The following INPP4A variants were observed in gnomAD, a reference collection of about 807,000 sequenced individuals.
The protein encoded by INPP4A is inositol polyphosphate-4-phosphatase type I A, also known as inositol polyphosphate-4-phosphatase, type I, 107kD.
A neutral mutation model predicts 119.8 loss-of-function variants in INPP4A; 33 were observed. The ratio of observed to expected loss-of-function variants is 0.28; its 90% CI spans 0.21 to 0.37. The LOEUF is 0.37. Among genes scored for constraint, INPP4A ranks in the 10% least tolerant of loss-of-function variants. The pLI is 1.00. For missense variants in INPP4A, 956 were observed against 1,289.9 expected, an observed-to-expected ratio of 0.74 and a Z score of 3.97; for synonymous variants, 496 against 500.7, an observed-to-expected ratio of 0.99 and a Z score of 0.12.
chr2:98,458,360 T>C (rs1191222189), intron 1 of INPP4A, among the ~76,000 whole-genome samples: 1 of 151,792 alleles, frequency 6.6e-6, no homozygotes, highest in Non-Finnish European at 1.5e-5. Flanking sequence ...AAAAAAATCA[T>C]CAAATAGCCC....
chr2:98,506,425 C>T (rs764685389), intron 1 of INPP4A, among the ~76,000 whole-genome samples: 19 of 152,204 alleles, frequency 1.2e-4, no homozygotes, highest in Admixed American at 2.6e-4. Flanking sequence ...CCCAGCCCAG[C>T]GGTGTGGTGT....
intron 1 of INPP4A, among the ~76,000 whole-genome samples, chr2:98,457,433 T>G (rs1231690203): frequency 2.0e-5 from 3 of 152,224 alleles, no homozygotes; most frequent in African/African-American, 7.2e-5. Context: ...GAGCTATGAC[T>G]AAATTCCAGG....
At chr2:98,565,891 CT>C in intron 20 of INPP4A, 125 bp downstream of exon 20, 1 of 1,506,034 alleles carries the variant, frequency 6.6e-7, no homozygotes, top group South Asian at 1.2e-5. Flanking sequence ...TTACAGCCCC[CT>C]AGGTTAGTGC....
chr2:98,569,223 C>G lies in INPP4A; in HGVS notation c.2518+555C>G, dbSNP rs1258001548. 6.5e-6 allele frequency: 1 copy of G among 154,788 alleles called. No homozygotes were observed. Among genetic ancestry groups the G allele is most frequent in the African/African-American group, 2.4e-5 (1 of 41,492 alleles). 9.6% of individuals were successfully genotyped at this position (154,788 alleles called of 1,614,324 possible). A position where few individuals can be genotyped will look rare whatever the true frequency, so the allele number is the denominator to read the frequency against. On this transcript the variant is annotated intron_variant, in intron 22 of 24. Transcript: ENST00000409851. This position sits in a 1 kb window ranked among gnomAD's most constrained non-coding sequence, Gnocchi z 5.1. ...GGGAGGAACCGAGAGCTGCACAGCACTGTCTACGAGAATTCCCTCTTGAGT... is the reference window on the plus strand; with the variant it reads ...GGGAGGAACCGAGAGCTGCACAGCAGTGTCTACGAGAATTCCCTCTTGAGT...
intron 21 of INPP4A, among the ~76,000 whole-genome samples, chr2:98,567,215 C>T (rs1426753957): frequency 6.6e-6 from 1 of 152,122 alleles, no homozygotes; most frequent in African/African-American, 2.4e-5. Flanking sequence ...GGATCAGGGC[C>T]AGGGGAGTGT....
rs1369347357 is a variant in INPP4A at position 98,564,753 on chromosome 2, G to A, written c.2142G>A (p.Leu714=). 4.4e-6 allele frequency: 7 copies of A among 1,592,254 alleles called. No homozygotes were observed. Among genetic ancestry groups the A allele is most frequent in the Non-Finnish European group, 6.0e-6 (7 of 1,169,354 alleles). Residue 714 remains leucine (L), a synonymous_variant, in exon 19 of 25, where the codon CTG becomes CTA. Coordinates refer to ENST00000409851, the MANE Select transcript of INPP4A (RefSeq NM_001134225.2). ...TGCTGGCCCAGTTCGAGAGCCTGCT[G>A]AGCACCTACGGTGAGGCGCCCGGGC... ...IGLLAQFESL[L]STYGEELAML...
chr2:98,522,980 CT>C (rs1236678255), intron 4 of INPP4A, among the ~76,000 whole-genome samples: 1 of 152,170 alleles, frequency 6.6e-6, no homozygotes, highest in Non-Finnish European at 1.5e-5. Flanking sequence ...TTTACTTCCC[CT>C]GCATTCTTTC....
At chr2:98,451,769 A>G (rs1695268129) in intron 1 of INPP4A, among the ~76,000 whole-genome samples, 1 of 152,114 alleles carries the variant, frequency 6.6e-6, no homozygotes, top group Non-Finnish European at 1.5e-5. Flanking sequence ...ATTAATTTGA[A>G]TTTTCAAGAA....
chr2:98,492,245 G>T (rs888362241), intron 1 of INPP4A, among the ~76,000 whole-genome samples: 4 of 152,130 alleles, frequency 2.6e-5, no homozygotes, highest in African/African-American at 4.8e-5. Context: ...TAACACCATT[G>T]TAAGTTGAGA....
intron 1 of INPP4A, among the ~76,000 whole-genome samples, chr2:98,500,525 G>A (rs1682909741): frequency 6.6e-6 from 1 of 152,152 alleles, no homozygotes; most frequent in African/African-American, 2.4e-5. Flanking sequence ...ATAGGTATGG[G>A]GACCACAGCA....
At chr2:98,469,686 C>A (rs1675581411) in intron 1 of INPP4A, among the ~76,000 whole-genome samples, 1 of 151,574 alleles carries the variant, frequency 6.6e-6, no homozygotes, top group Non-Finnish European at 1.5e-5. Context: ...TCCCTGTAAT[C>A]CCAGCTACTT....
At chr2:98,517,999 C>T (rs1430622271) in intron 1 of INPP4A, among the ~76,000 whole-genome samples, 3 of 152,158 alleles carry the variant, frequency 2.0e-5, no homozygotes, top group Non-Finnish European at 4.4e-5. Flanking sequence ...TTTAGCATTG[C>T]GTTACTTAAT....
At chr2:98,563,252 G>C (rs1695813535) in intron 17 of INPP4A, among the ~76,000 whole-genome samples, 1 of 152,094 alleles carries the variant, frequency 6.6e-6, no homozygotes, top group Admixed American at 6.5e-5. Flanking sequence ...AGGTACCGGA[G>C]TAGAACTGGT....
chr2:98,559,463 A>T lies in INPP4A; in HGVS notation c.1823A>T (p.His608Leu). The T allele has an allele frequency of 6.2e-7, 1 of 1,613,988 alleles. No individual in the cohort carries two copies. Among genetic ancestry groups the T allele is most frequent in the Non-Finnish European group, 8.5e-7 (1 of 1,179,882 alleles). The part of the protein sequence containing the change: ...STACHPHLTT[H>L]CSPPPEESSP... ...CATGTCGCCCTCCATTTCTGTGCAG[A>T]TTGCAGTCCCCCTCCTGAAGAGTCC... Residue 608 changes from histidine (H) to leucine (L), a missense_variant and splice_region_variant, in exon 17 of 25, where the codon CAT becomes CTT. Transcript: ENST00000409851.
chr2:98,551,611 C>G (rs2106178951), intron 13 of INPP4A, among the ~76,000 whole-genome samples: 1 of 152,274 alleles, frequency 6.6e-6, no homozygotes, highest in South Asian at 2.1e-4. Context: ...GATTCTCAGC[C>G]CTGACCAAGG....
At chr2:98,478,356 A>C (rs996265804) in intron 1 of INPP4A, among the ~76,000 whole-genome samples, 1 of 152,182 alleles carries the variant, frequency 6.6e-6, no homozygotes, top group Non-Finnish European at 1.5e-5. Context: ...GACTGCTCCA[A>C]GTCCAGGGAG....
chr2:98,499,033 G>C (rs1177309985), intron 1 of INPP4A, among the ~76,000 whole-genome samples: 1 of 152,220 alleles, frequency 6.6e-6, no homozygotes, highest in African/African-American at 2.4e-5. Flanking sequence ...GAATCTCAAT[G>C]CTCTTTTTGC....
intron 1 of INPP4A, among the ~76,000 whole-genome samples, chr2:98,476,815 G>A (rs764537678): frequency 1.3e-5 from 2 of 152,198 alleles, no homozygotes; most frequent in Non-Finnish European, 2.9e-5. Context: ...TGACGATAGC[G>A]GGTTAAGTTT....
intron 1 of INPP4A, among the ~76,000 whole-genome samples, chr2:98,456,166 C>A (rs1293042617): frequency 6.6e-6 from 1 of 152,094 alleles, no homozygotes; most frequent in Non-Finnish European, 1.5e-5. Context: ...TTAGCCATTC[C>A]TGACTTGTTT....
Sources: allele counts gnomAD v4.1 joint callset (sites outside exome capture counted in the v4.1 genomes callset), GRCh38; gene constraint gnomAD v4.1.1; non-coding constraint Gnocchi (gnomAD v3.1); transcripts MANE v1.5; gene names NCBI Gene and HGNC (gene_info 2026-07-23, HGNC 2026-07-21).